The following TENM3 variants were observed in gnomAD, a reference collection of about 807,000 sequenced individuals.
The protein encoded by TENM3 is teneurin-3.
Under a neutral mutation model 255.1 loss-of-function variants are expected in TENM3, and 63 were observed. That is an observed-to-expected ratio of 0.25 (90% CI 0.20 to 0.30). The LOEUF is 0.30. TENM3 is among the 10% of genes least tolerant of loss of function. TENM3 has a pLI of 1.00. For missense variants in TENM3, 2,929 were observed against 3,461.1 expected (o/e 0.85, Z 3.86); for synonymous variants, 1,306 against 1,322.3 (o/e 0.99, Z 0.27).
rs1480266734 is a variant in TENM3 at position 182,278,051 on chromosome 4, G to A, written c.-76+34575G>A. Among the ~76,000 whole-genome samples, 4 of 152,140 alleles carry A rather than the reference G, an allele frequency of 2.6e-5. No individual in the cohort carries two copies. The South Asian group carries it at 6.2e-4, about 24-fold the overall frequency. On this transcript the variant is annotated intron_variant, in intron 1 of 27. Transcript: ENST00000511685. ...ATTTTTCCATGCAGACCAGAACTGA[G>A]AAGTAATTAACTGCCAATAACAAAC...
At chr4:182,466,904 A>G (rs1238885836) in intron 3 of TENM3, among the ~76,000 whole-genome samples, 1 of 151,234 alleles carries the variant, frequency 6.6e-6, no homozygotes, top group Non-Finnish European at 1.5e-5. Flanking sequence ...ATACGTTAGA[A>G]TTGAGCATTC....
chr4:181,792,849 G>A, the TENM3 span, among the ~76,000 whole-genome samples: 99 of 152,198 alleles, frequency 6.5e-4, no homozygotes, highest in Non-Finnish European at 1.2e-3. Context: ...TTTCCTGGCT[G>A]AGCTTTTGTT....
chr4:181,887,238 A>G, the TENM3 span, among the ~76,000 whole-genome samples: 2 of 145,880 alleles, frequency 1.4e-5, no homozygotes, highest in African/African-American at 5.1e-5. Flanking sequence ...GGCTATCTTT[A>G]CACGTACCTG....
At chr4:182,650,174 T>G (rs1430783094) in intron 5 of TENM3, among the ~76,000 whole-genome samples, 1 of 150,438 alleles carries the variant, frequency 6.6e-6, no homozygotes, top group Non-Finnish European at 1.5e-5. Flanking sequence ...GAAATGCATA[T>G]TGCATCATGA....
the TENM3 span, among the ~76,000 whole-genome samples, chr4:181,996,247 C>G: frequency 0.44 from 66,480 of 151,614 alleles, 15,586 homozygotes; most frequent in Non-Finnish European, 0.53. Flanking sequence ...GACAGCCGTC[C>G]AAGCTGTGCA....
intron 27 of TENM3, among the ~76,000 whole-genome samples, chr4:182,798,305 G>A (rs1343803224): frequency 2.0e-5 from 3 of 152,196 alleles, no homozygotes; most frequent in Non-Finnish European, 4.4e-5. Flanking sequence ...ACCGGGCTCT[G>A]CCAACACTGT....
At chr4:181,977,586 G>T in the TENM3 span, among the ~76,000 whole-genome samples, 2 of 152,134 alleles carry the variant, frequency 1.3e-5, no homozygotes, top group African/African-American at 4.8e-5. Context: ...AGGACAAGTT[G>T]TCATATAAAT....
chr4:181,973,990 C>G, the TENM3 span, among the ~76,000 whole-genome samples: 2 of 152,254 alleles, frequency 1.3e-5, no homozygotes, highest in East Asian at 1.9e-4. Context: ...AACCATAATG[C>G]CGGCCTACTC....
In TENM3 at chr4:182,720,023, C is replaced by T. The variant is rs148020681; in HGVS notation, c.2368+5790C>T. On this transcript the variant is annotated intron_variant, in intron 13 of 27. Transcript: ENST00000511685. ...GCTGCAGTGAGCCATGATCGCGCCACTGCACTCCAGGCTGGATGAAAGAGT... is the reference window on the plus strand; with the variant it reads ...GCTGCAGTGAGCCATGATCGCGCCATTGCACTCCAGGCTGGATGAAAGAGT... 5.6e-3 allele frequency among the ~76,000 whole-genome samples: 853 copies of T among 152,176 alleles called. 10 individuals are homozygous for T. Among genetic ancestry groups the T allele is most frequent in the African/African-American group, 0.019 (804 of 41,518 alleles).
At chr4:182,722,403 T>G (rs1353044904) in intron 13 of TENM3, among the ~76,000 whole-genome samples, 1 of 152,162 alleles carries the variant, frequency 6.6e-6, no homozygotes, top group Non-Finnish European at 1.5e-5. Context: ...TTAGCAAATG[T>G]ATTAAATGCC....
At chr4:182,211,909 G>A (rs759997297) in intron 1 of TENM3, among the ~76,000 whole-genome samples, 11 of 152,066 alleles carry the variant, frequency 7.2e-5, no homozygotes, top group South Asian at 2.1e-4. Flanking sequence ...ACACTTAACC[G>A]AAAGGTTTTT....
the TENM3 span, among the ~76,000 whole-genome samples, chr4:181,582,238 C>T: frequency 6.6e-6 from 1 of 152,076 alleles, no homozygotes; most frequent in South Asian, 2.1e-4. Context: ...GGGCCTGTCT[C>T]TCACATTCAC....
rs187476566 is a variant in TENM3, at chr4:182,414,704, G to A, written c.511+67775G>A. ...ATATTGAACTAATCTAAGGAGATGT[G>A]TGAAATAAATCCTTATAAAGTATCT... On this transcript the variant is annotated intron_variant, in intron 3 of 27. Transcript: ENST00000511685. 1.6e-3 allele frequency among the ~76,000 whole-genome samples: 249 copies of A among 152,276 alleles called. No individual in the cohort carries two copies. The South Asian group carries it at 0.021, about 13-fold the overall frequency.
chr4:182,516,616 C>T (rs1034491902), intron 3 of TENM3, among the ~76,000 whole-genome samples: 1 of 152,148 alleles, frequency 6.6e-6, no homozygotes, highest in Non-Finnish European at 1.5e-5. Flanking sequence ...TAAGGCCAGG[C>T]GTAATGGCTC....
chr4:181,749,392 C>T, the TENM3 span, among the ~76,000 whole-genome samples: 4 of 152,208 alleles, frequency 2.6e-5, no homozygotes, highest in Admixed American at 6.5e-5. Flanking sequence ...TCCCCTGTAA[C>T]GTACCGTTTT....
the TENM3 span, among the ~76,000 whole-genome samples, chr4:181,699,625 A>G: frequency 6.6e-6 from 1 of 152,134 alleles, no homozygotes; most frequent in Non-Finnish European, 1.5e-5. Context: ...TAGGGCAAGA[A>G]CTCTGAATAC....
chr4:181,656,064 T>G, the TENM3 span, among the ~76,000 whole-genome samples: 3 of 152,166 alleles, frequency 2.0e-5, no homozygotes, highest in South Asian at 2.1e-4. Context: ...GCAGTTCTTG[T>G]CATTTCCAGC....
At chr4:182,607,616 T>A (rs1748559274) in intron 4 of TENM3, among the ~76,000 whole-genome samples, 1 of 152,106 alleles carries the variant, frequency 6.6e-6, no homozygotes, top group Non-Finnish European at 1.5e-5. Context: ...CGCTTTAGAG[T>A]CTTTTGTGCA....
the TENM3 span, among the ~76,000 whole-genome samples, chr4:181,684,142 A>G: frequency 6.6e-5 from 10 of 152,000 alleles, no homozygotes; most frequent in Non-Finnish European, 1.0e-4. Context: ...ACAGGTTGAC[A>G]CCTCCAGGTG....
Sources: allele counts gnomAD v4.1 joint callset (sites outside exome capture counted in the v4.1 genomes callset), GRCh38; gene constraint gnomAD v4.1.1; transcripts MANE v1.5; gene names NCBI Gene and HGNC (gene_info 2026-07-23, HGNC 2026-07-21).